Variants in ABLIM1 observed in about 807,000 individuals in gnomAD.
The protein encoded by ABLIM1 is actin binding LIM protein 1.
A neutral mutation model predicts 107.0 loss-of-function variants in ABLIM1; 40 were observed. The observed-to-expected ratio is 0.37, with a 90% CI of 0.29 to 0.49. The LOEUF is 0.49. Ranked by LOEUF, ABLIM1 falls within the 20% of genes least tolerant of loss-of-function variation. The pLI, the probability that ABLIM1 is intolerant of heterozygous loss-of-function variation, is 0.97. For synonymous variants in ABLIM1, 357 were observed against 357.3 expected (o/e 1.00, Z 0.01); for missense variants, 857 against 1,008.5 (o/e 0.85, Z 2.04).
At chr10:114,675,999 C>T (rs2080464847) in intron 1 of ABLIM1, among the ~76,000 whole-genome samples, 2 of 152,146 alleles carry the variant, frequency 1.3e-5, no homozygotes, top group African/African-American at 4.8e-5. Flanking sequence ...ATGACCTCAT[C>T]TTAACTTGAT....
chr10:114,603,487 TC>T (rs2076182419), intron 1 of ABLIM1, among the ~76,000 whole-genome samples: 1 of 152,080 alleles, frequency 6.6e-6, no homozygotes, highest in African/African-American at 2.4e-5. Context: ...CTTATCTACC[TC>T]CTGGGATCTC....
intron 1 of ABLIM1, among the ~76,000 whole-genome samples, chr10:114,647,537 C>T (rs1022236548): frequency 3.3e-5 from 5 of 152,188 alleles, no homozygotes; most frequent in Admixed American, 3.3e-4. Flanking sequence ...TCAAAAATGA[C>T]CTTACAAAAT....
At chr10:114,507,917 C>T (rs1481568563) in intron 6 of ABLIM1, among the ~76,000 whole-genome samples, 2 of 152,124 alleles carry the variant, frequency 1.3e-5, no homozygotes, top group Non-Finnish European at 2.9e-5. Flanking sequence ...CCAGGTACTC[C>T]AAGGCAAAGT....
intron 1 of ABLIM1, among the ~76,000 whole-genome samples, chr10:114,745,236 C>T (rs1424520546): frequency 3.3e-5 from 5 of 152,188 alleles, no homozygotes; most frequent in Admixed American, 1.3e-4. Context: ...CTGCCTGACA[C>T]GTAGTAAGGA....
intron 1 of ABLIM1, among the ~76,000 whole-genome samples, chr10:114,725,095 C>G (rs2081929388): frequency 6.6e-6 from 1 of 152,170 alleles, no homozygotes; most frequent in Admixed American, 6.5e-5. Flanking sequence ...AAGCATCGGG[C>G]CCTCACTCCA....
intron 1 of ABLIM1, among the ~76,000 whole-genome samples, chr10:114,672,517 T>C (rs2080300445): frequency 6.6e-6 from 1 of 152,176 alleles, no homozygotes; most frequent in African/African-American, 2.4e-5. Flanking sequence ...TTTTTATATA[T>C]TGGATATGAG....
chr10:114,712,123 T>C (rs532133701), intron 1 of ABLIM1, among the ~76,000 whole-genome samples: 12 of 151,960 alleles, frequency 7.9e-5, no homozygotes, highest in African/African-American at 2.9e-4. Flanking sequence ...GAGGCCAAGG[T>C]GGTTGGATCA....
At chr10:114,738,041 AATT>A (rs143799903) in intron 1 of ABLIM1, among the ~76,000 whole-genome samples, 3,309 of 151,904 alleles carry the variant, frequency 0.022, 37 homozygotes, top group Middle Eastern at 0.092. Context: ...GTGATATATA[AATT>A]ATTATTATTA....
chr10:114,517,163 A>G (rs1385162814), intron 6 of ABLIM1, among the ~76,000 whole-genome samples: 1 of 152,170 alleles, frequency 6.6e-6, no homozygotes, highest in African/African-American at 2.4e-5. Context: ...TGGTCCCCCA[A>G]AGATATGTCC....
At chr10:114,467,819 G>A (rs2065507893) in intron 11 of ABLIM1, among the ~76,000 whole-genome samples, 1 of 152,154 alleles carries the variant, frequency 6.6e-6, no homozygotes, top group Admixed American at 6.5e-5. Flanking sequence ...AATACGCCAT[G>A]ATGGCTGTTG....
chr10:114,493,855 C>T (rs1181233227), intron 6 of ABLIM1, among the ~76,000 whole-genome samples: 2 of 152,204 alleles, frequency 1.3e-5, no homozygotes, highest in African/African-American at 4.8e-5. Flanking sequence ...ATGCAACACC[C>T]AGTCTAAATA....
intron 1 of ABLIM1, among the ~76,000 whole-genome samples, chr10:114,642,299 C>T (rs987692608): frequency 1.3e-5 from 2 of 152,028 alleles, no homozygotes; most frequent in African/African-American, 4.8e-5. Context: ...AGCACAGATG[C>T]AGAGTGCTGA....
intron 6 of ABLIM1, chr10:114,527,026 G>A: frequency 1.0e-6 from 1 of 955,446 alleles, no homozygotes; most frequent in Non-Finnish European, 1.2e-6. Context: ...TTTTTTAAAT[G>A]CAGGTAGGAA....
chr10:114,583,746 A>C (rs1264003701), intron 2 of ABLIM1, among the ~76,000 whole-genome samples: 2 of 151,988 alleles, frequency 1.3e-5, no homozygotes, highest in East Asian at 3.9e-4. Flanking sequence ...AGATTGAATA[A>C]GGAAAATGTG....
chr10:114,615,813 C>T (rs2077095559), intron 1 of ABLIM1, among the ~76,000 whole-genome samples: 1 of 148,090 alleles, frequency 6.8e-6, no homozygotes, highest in Non-Finnish European at 1.5e-5. Flanking sequence ...GTCTCTGACT[C>T]AGAAAAAAAA....
intron 1 of ABLIM1, chr10:114,631,990 C>G (rs2078213823): frequency 7.7e-7 from 1 of 1,300,556 alleles, no homozygotes; most frequent in Non-Finnish European, 1.0e-6. Flanking sequence ...AAGCGCGCCT[C>G]GGCAGACAGA....
upstream of ABLIM1, among the ~76,000 whole-genome samples, chr10:114,770,121 T>C (rs1436561814): frequency 6.6e-6 from 1 of 152,216 alleles, no homozygotes. Flanking sequence ...TTTCTATTTA[T>C]AACATGACTA....
At chr10:114,607,170 C>A (rs759140674) in intron 1 of ABLIM1, among the ~76,000 whole-genome samples, 1 of 152,180 alleles carries the variant, frequency 6.6e-6, no homozygotes, top group African/African-American at 2.4e-5. Context: ...TCAAGAGATT[C>A]CTCTGCCTCA....
At chr10:114,532,846 C>T (rs938777663) in intron 6 of ABLIM1, among the ~76,000 whole-genome samples, 7 of 152,132 alleles carry the variant, frequency 4.6e-5, no homozygotes, top group African/African-American at 1.4e-4. Flanking sequence ...AGAGGCACAA[C>T]CCAGATTCCA....
Sources: gnomAD v4.1 joint callset for allele counts (sites outside exome capture counted in the v4.1 genomes callset) on GRCh38, gnomAD v4.1.1 for gene constraint, MANE v1.5 for transcripts, NCBI Gene and HGNC (gene_info 2026-07-23, HGNC 2026-07-21) for gene names.